CDH2: variants seen among roughly 807,000 people sequenced by gnomAD.
The protein encoded by CDH2 is cadherin 2.
A neutral mutation model predicts 92.0 loss-of-function variants in CDH2; 17 were observed. That is an observed-to-expected ratio of 0.18 (90% CI 0.13 to 0.28). The LOEUF (loss-of-function observed/expected upper bound fraction) is 0.28. Ranked by LOEUF, CDH2 falls within the 10% of genes least tolerant of loss-of-function variation. The pLI is 1.00. For synonymous variants in CDH2, 419 were observed against 415.9 expected, an observed-to-expected ratio of 1.01 and a Z score of -0.09; for missense variants, 862 against 1,133.1, an observed-to-expected ratio of 0.76 and a Z score of 3.44.
rs78754660 is a variant in CDH2, at chr18:28,031,521, C to T, written c.173-17612G>A. Among the ~76,000 whole-genome samples, 959 of 152,188 alleles carry T rather than the reference C, an allele frequency of 6.3e-3. 4 individuals carry two copies. Among genetic ancestry groups the T allele is most frequent in the Middle Eastern group, 0.02 (6 of 294 alleles). ...ACAGAACAAAATCCTTAACAAAGCCCCTGGCCCTTTAACCTCATCCTTCTT... is the reference window on the plus strand; with the variant it reads ...ACAGAACAAAATCCTTAACAAAGCCTCTGGCCCTTTAACCTCATCCTTCTT... On this transcript the variant is annotated intron_variant, in intron 2 of 15. Coordinates refer to ENST00000269141, the MANE Select transcript of CDH2 (RefSeq NM_001792.5).
chr18:28,162,395 C>T (rs903898806), intron 1 of CDH2, among the ~76,000 whole-genome samples: 5 of 152,014 alleles, frequency 3.3e-5, no homozygotes, highest in Non-Finnish European at 7.4e-5. Context: ...AGAACTGGGC[C>T]AAGGTGGGGT....
chr18:28,075,137 G>T (rs149931172), intron 2 of CDH2, among the ~76,000 whole-genome samples: 1 of 152,098 alleles, frequency 6.6e-6, no homozygotes, highest in African/African-American at 2.4e-5. Context: ...GAGTTCTACA[G>T]ATACAACATG....
At chr18:28,065,794 G>A (rs756893497) in intron 2 of CDH2, among the ~76,000 whole-genome samples, 8 of 152,088 alleles carry the variant, frequency 5.3e-5, no homozygotes, top group Non-Finnish European at 1.0e-4. Flanking sequence ...AGAAGTATAC[G>A]AAGATCTCAG....
intron 2 of CDH2, among the ~76,000 whole-genome samples, chr18:28,055,754 T>G (rs1479526535): frequency 6.6e-6 from 1 of 152,204 alleles, no homozygotes; most frequent in Non-Finnish European, 1.5e-5. Flanking sequence ...ATATATATAC[T>G]TCGGCATCCT....
At chr18:27,965,977 C>T (rs1448826914) in intron 14 of CDH2, among the ~76,000 whole-genome samples, 1 of 104,790 alleles carries the variant, frequency 9.5e-6, no homozygotes, top group African/African-American at 3.7e-5. Context: ...GACAGAAAGA[C>T]TCTGTCTAAA....
chr18:28,123,163 A>T (rs1306823566), intron 2 of CDH2, among the ~76,000 whole-genome samples: 1 of 152,178 alleles, frequency 6.6e-6, no homozygotes, highest in Non-Finnish European at 1.5e-5. Flanking sequence ...TTAAAGATAA[A>T]AACTGCTTAA....
intron 1 of CDH2, among the ~76,000 whole-genome samples, chr18:28,173,245 T>C (rs1368514445): frequency 2.6e-5 from 4 of 152,148 alleles, no homozygotes. Flanking sequence ...CAAGTGAGGA[T>C]ACATAAAATA....
At chr18:28,129,673 A>T (rs1009562744) in intron 2 of CDH2, among the ~76,000 whole-genome samples, 2 of 152,126 alleles carry the variant, frequency 1.3e-5, no homozygotes, top group African/African-American at 4.8e-5. Flanking sequence ...ACAAAAAATT[A>T]AAAAATTAGT....
intron 2 of CDH2, among the ~76,000 whole-genome samples, chr18:28,088,408 A>G (rs1050427558): frequency 6.6e-6 from 1 of 152,238 alleles, no homozygotes; most frequent in Admixed American, 6.5e-5. Flanking sequence ...TCAATCTGAC[A>G]CTTGAACCAT....
chr18:28,133,613 CATATATAAGTTGCTTAATAA>C (rs1329229682), intron 2 of CDH2, among the ~76,000 whole-genome samples: 1 of 147,286 alleles, frequency 6.8e-6, no homozygotes, highest in Non-Finnish European at 1.5e-5. Flanking sequence ...AAGAACTTGG[CATATATAAGTTGCTTAATAA>C]ATAAAATCTA....
intron 2 of CDH2, among the ~76,000 whole-genome samples, chr18:28,137,220 G>A (rs2015877407): frequency 6.6e-6 from 1 of 152,112 alleles, no homozygotes; most frequent in South Asian, 2.1e-4. Flanking sequence ...TGGCTCTCAG[G>A]GAGGAGCAGC....
At chr18:27,964,599 A>C (rs557292514) in intron 14 of CDH2, among the ~76,000 whole-genome samples, 1 of 152,164 alleles carries the variant, frequency 6.6e-6, no homozygotes, top group Non-Finnish European at 1.5e-5. Context: ...AGTTATCTCT[A>C]GAGTGATTTT....
At chr18:27,979,011 C>T (rs989989587) in intron 14 of CDH2, among the ~76,000 whole-genome samples, 1 of 151,792 alleles carries the variant, frequency 6.6e-6, no homozygotes, top group Non-Finnish European at 1.5e-5. Flanking sequence ...AAATGATAAA[C>T]TGGACAACAT....
At chr18:28,046,728 T>C (rs975871541) in intron 2 of CDH2, among the ~76,000 whole-genome samples, 2 of 152,234 alleles carry the variant, frequency 1.3e-5, no homozygotes, top group Admixed American at 1.3e-4. Flanking sequence ...GACCATTTTA[T>C]AGACATTTAG....
At chr18:27,971,526 A>G (rs1352846912) in intron 14 of CDH2, among the ~76,000 whole-genome samples, 1 of 152,176 alleles carries the variant, frequency 6.6e-6, no homozygotes. Context: ...TATGCAAATC[A>G]TATGCACAGT....
chr18:28,124,793 G>T (rs17494816), intron 2 of CDH2, among the ~76,000 whole-genome samples: 465 of 152,222 alleles, frequency 3.1e-3, no homozygotes, highest in African/African-American at 0.011. Context: ...TCCAAATATG[G>T]GTTTGGCCAC....
At chr18:28,066,569 G>A (rs1567985177) in intron 2 of CDH2, among the ~76,000 whole-genome samples, 1 of 152,026 alleles carries the variant, frequency 6.6e-6, no homozygotes, top group Non-Finnish European at 1.5e-5. Context: ...AAGCAGACAA[G>A]CATGTAATTA....
intron 11 of CDH2, 110 bp downstream of exon 11, chr18:27,988,414 A>T: frequency 1.1e-6 from 1 of 884,544 alleles, no homozygotes; most frequent in Admixed American, 2.5e-5. Context: ...CGGAATTATA[A>T]AAGTCAGTTT....
At chr18:27,949,371 A>G (rs1909354518), downstream of CDH2, among the ~76,000 whole-genome samples, 1 of 152,040 alleles carries the variant, frequency 6.6e-6, no homozygotes, top group African/African-American at 2.4e-5. Flanking sequence ...CTAGTACTAG[A>G]AAAATATTCC....
Sources: allele counts gnomAD v4.1 joint callset (sites outside exome capture counted in the v4.1 genomes callset), GRCh38; gene constraint gnomAD v4.1.1; transcripts MANE v1.5; gene names NCBI Gene and HGNC (gene_info 2026-07-23, HGNC 2026-07-21).